Variants in FHIT observed in about 807,000 individuals in gnomAD.
FHIT encodes the protein fragile histidine triad diadenosine triphosphatase.
FHIT carries 19 observed loss-of-function variants against 17.9 expected under a neutral mutation model. The ratio of observed to expected loss-of-function variants is 1.06; its 90% CI spans 0.74 to 1.56. The LOEUF is 1.56. Ranked by LOEUF, FHIT falls within the 40% of genes most tolerant of loss-of-function variation. The probability of loss-of-function intolerance (pLI) is 0.00; values close to 1 mark genes in which losing one functional copy is unlikely to be tolerated. For missense variants in FHIT, 248 were observed against 189.2 expected, an observed-to-expected ratio of 1.31 and a Z score of -1.82; for synonymous variants, 81 against 69.7, an observed-to-expected ratio of 1.16 and a Z score of -0.81.
At chr3:60,665,484 T>G (rs2040359862) in intron 4 of FHIT, among the ~76,000 whole-genome samples, 1 of 152,052 alleles carries the variant, frequency 6.6e-6, no homozygotes, top group South Asian at 2.1e-4. Flanking sequence ...AAGATCATTT[T>G]GTCTTCCAGG....
intron 7 of FHIT, among the ~76,000 whole-genome samples, chr3:59,961,830 A>G (rs1056568388): frequency 6.6e-6 from 1 of 152,194 alleles, no homozygotes; most frequent in African/African-American, 2.4e-5. Context: ...ATCTCGCTGG[A>G]AGCTGTAGCC....
chr3:61,011,596 T>C (rs755639888), intron 3 of FHIT, among the ~76,000 whole-genome samples: 3 of 152,168 alleles, frequency 2.0e-5, no homozygotes, highest in Non-Finnish European at 4.4e-5. Flanking sequence ...GAATCAGATA[T>C]TCTTAAAAGA....
chr3:60,425,828 G>A (rs898976025), intron 5 of FHIT, among the ~76,000 whole-genome samples: 3 of 151,814 alleles, frequency 2.0e-5, no homozygotes, highest in African/African-American at 7.3e-5. Context: ...TAAATGATAG[G>A]ATCCCAGCTT....
At chr3:59,751,889 T>TAAAC (rs2106728737) in intron 9 of FHIT, 1 of 271,192 alleles carries the variant, frequency 3.7e-6, no homozygotes, top group African/African-American at 2.2e-5. Flanking sequence ...GTTGACCTTT[T>TAAAC]AAACAAGAAG....
chr3:61,216,230 T>A (rs1216328955), intron 1 of FHIT, among the ~76,000 whole-genome samples: 1 of 152,192 alleles, frequency 6.6e-6, no homozygotes, highest in Admixed American at 6.5e-5. Flanking sequence ...GAGAAAATGT[T>A]TGCAACCTAC....
At chr3:59,939,290 G>A (rs1043337753) in intron 7 of FHIT, among the ~76,000 whole-genome samples, 30 of 152,070 alleles carry the variant, frequency 2.0e-4, no homozygotes, top group African/African-American at 5.1e-4. Context: ...TTCAGTCTCC[G>A]TGGCTCACAC....
At chr3:59,929,519 C>G (rs769723910) in intron 7 of FHIT, among the ~76,000 whole-genome samples, 3 of 151,636 alleles carry the variant, frequency 2.0e-5, no homozygotes, top group African/African-American at 7.3e-5. Context: ...TACAGGAGCA[C>G]GCCACTATGC....
chr3:60,366,306 G>A (rs1700104639), intron 5 of FHIT, among the ~76,000 whole-genome samples: 1 of 152,140 alleles, frequency 6.6e-6, no homozygotes, highest in South Asian at 2.1e-4. Flanking sequence ...CTCATGAGTA[G>A]TAGAGATAGG....
rs749899769 is a variant in FHIT at position 60,014,099 on chromosome 3, C to T, written c.157G>A (p.Asp53Asn). ...PVERFHDLRP[D>N]EVADLFQTTQ... ...GTCTGAAACAAATCGGCCACTTCAT[C>T]AGGACGCAGGTCATGGAAGCGCTCC... The change falls in exon 6 of 10, where the codon GAT becomes AAT. Residue 53 changes from aspartate to asparagine, a missense_variant. Coordinates refer to ENST00000492590, the MANE Select transcript of FHIT (RefSeq NM_002012.4). 6.2e-6 allele frequency: 10 copies of T among 1,613,978 alleles called. No individual in the cohort carries two copies. The highest frequency in any genetic ancestry group is 1.3e-5 in the African/African-American group (1 of 74,926).
intron 5 of FHIT, among the ~76,000 whole-genome samples, chr3:60,330,285 T>G (rs1010292834): frequency 6.6e-6 from 1 of 152,222 alleles, no homozygotes; most frequent in Non-Finnish European, 1.5e-5. Flanking sequence ...AAACCCTTCA[T>G]GGATCTCTCT....
At chr3:60,228,821 G>C (rs537243178) in intron 5 of FHIT, among the ~76,000 whole-genome samples, 30 of 152,160 alleles carry the variant, frequency 2.0e-4, no homozygotes, top group Admixed American at 1.7e-3. Context: ...AGAATGAAGG[G>C]GACTGGTTCC....
intron 2 of FHIT, among the ~76,000 whole-genome samples, chr3:61,077,997 C>A (rs2035023012): frequency 6.6e-6 from 1 of 152,040 alleles, no homozygotes; most frequent in South Asian, 2.1e-4. Context: ...TATAAAGGTC[C>A]AGATGTATTT....
intron 5 of FHIT, among the ~76,000 whole-genome samples, chr3:60,532,529 G>T (rs1559518215): frequency 6.6e-6 from 1 of 152,200 alleles, no homozygotes; most frequent in Non-Finnish European, 1.5e-5. Flanking sequence ...AATTCTGAAT[G>T]TGTACTCTTC....
At chr3:59,976,128 G>C (rs990251163) in intron 7 of FHIT, among the ~76,000 whole-genome samples, 2 of 152,046 alleles carry the variant, frequency 1.3e-5, no homozygotes, top group Non-Finnish European at 2.9e-5. Flanking sequence ...TTGCCATGAA[G>C]ATAAAATGAG....
In FHIT at chr3:60,978,776, C is replaced by T. The variant is rs141629194; in HGVS notation, c.-111+63271G>A. ...ATGACTAAAGAGCCTAAAGCACAAC[C>T]GTTCTATCTACAGGTAATAAAAAGG... is the stretch of plus-strand genomic sequence containing the variant. On this transcript the variant is annotated intron_variant, in intron 3 of 9. Transcript: ENST00000492590. 1.1e-4 allele frequency among the ~76,000 whole-genome samples: 17 copies of T among 152,266 alleles called. No individual in the cohort carries two copies. The East Asian group carries it at 2.9e-3, about 26-fold the overall frequency.
At chr3:61,069,997 C>T (rs544228538) in intron 2 of FHIT, among the ~76,000 whole-genome samples, 183 of 152,176 alleles carry the variant, frequency 1.2e-3, no homozygotes, top group South Asian at 2.5e-3. Context: ...CTGCAATCTC[C>T]GCCTGCAGGT....
At chr3:60,623,175 A>T (rs1364061482) in intron 4 of FHIT, among the ~76,000 whole-genome samples, 1 of 152,208 alleles carries the variant, frequency 6.6e-6, no homozygotes, top group African/African-American at 2.4e-5. Flanking sequence ...AGCAAGAAAT[A>T]ACTTTTTTAA....
intron 3 of FHIT, among the ~76,000 whole-genome samples, chr3:60,904,988 TAGAA>T (rs1706329558): frequency 7.4e-6 from 1 of 134,358 alleles, no homozygotes; most frequent in African/African-American, 2.7e-5. Context: ...ATAAGAAAAA[TAGAA>T]AAACAAGTAG....
At chr3:59,784,570 G>A (rs1041549864) in intron 8 of FHIT, among the ~76,000 whole-genome samples, 1 of 152,244 alleles carries the variant, frequency 6.6e-6, no homozygotes, top group Non-Finnish European at 1.5e-5. Context: ...CCACCACTGT[G>A]TAGGTAGGCA....
Sources: allele counts gnomAD v4.1 joint callset (sites outside exome capture counted in the v4.1 genomes callset), GRCh38; gene constraint gnomAD v4.1.1; transcripts MANE v1.5; gene names NCBI Gene and HGNC (gene_info 2026-07-23, HGNC 2026-07-21).